Variants in RIT2 observed in about 807,000 individuals in gnomAD.
RIT2 encodes the protein GTP-binding protein Rit2.
Under a neutral mutation model 23.7 loss-of-function variants are expected in RIT2, and 24 were observed. That is an observed-to-expected ratio of 1.01 (90% CI 0.73 to 1.43). The LOEUF is 1.43. Ranked by LOEUF, RIT2 falls within the 40% of genes most tolerant of loss-of-function variation. The pLI, the probability that RIT2 is intolerant of heterozygous loss-of-function variation, is 0.00. For synonymous variants in RIT2, 107 were observed against 91.1 expected (o/e 1.17, Z -0.99); for missense variants, 236 against 266.9 (o/e 0.88, Z 0.81).
chr18:42,775,614 G>C (rs1237847167), intron 4 of RIT2, among the ~76,000 whole-genome samples: 2 of 151,880 alleles, frequency 1.3e-5, no homozygotes, highest in Non-Finnish European at 2.9e-5. Flanking sequence ...GGAGAATGGC[G>C]TGAACCCGGG....
chr18:43,115,145 TA>T (rs1430034970), intron 1 of RIT2, among the ~76,000 whole-genome samples: 6 of 152,264 alleles, frequency 3.9e-5, no homozygotes, highest in African/African-American at 1.4e-4. Flanking sequence ...AAAAGACCTA[TA>T]CACTAAGAGC....
At chr18:42,809,244 T>TA (rs1350053188) in intron 4 of RIT2, among the ~76,000 whole-genome samples, 1 of 152,072 alleles carries the variant, frequency 6.6e-6, no homozygotes, top group Non-Finnish European at 1.5e-5. Flanking sequence ...CTATTCAGAT[T>TA]AAAAAATAGG....
intron 1 of RIT2, among the ~76,000 whole-genome samples, chr18:43,104,349 T>G (rs1467820209): frequency 6.6e-6 from 1 of 152,196 alleles, no homozygotes; most frequent in Admixed American, 6.5e-5. Flanking sequence ...GAATGAGTTC[T>G]GGTGTTCCAC....
intron 4 of RIT2, among the ~76,000 whole-genome samples, chr18:42,880,170 T>A (rs996349467): frequency 6.6e-6 from 1 of 152,182 alleles, no homozygotes; most frequent in African/African-American, 2.4e-5. Context: ...CAAAAAGGAC[T>A]GGATCTCGTA....
Position 42,783,103 on chromosome 18 carries a change from CTGAGTA to C in RIT2, c.427-39389_427-39384del, listed in dbSNP as rs574543955. ...ACTTTTAAGTCCAACTTATTTCATT[CTGAGTA>C]TTAGTGTCTTACCAAACACGTTTGT... On this transcript the variant is annotated intron_variant, in intron 4 of 4. Coordinates refer to ENST00000326695, the MANE Select transcript of RIT2 (RefSeq NM_002930.4). 1.8e-4 allele frequency among the ~76,000 whole-genome samples: 28 copies of C among 152,194 alleles called. 1 individual carries two copies. In the South Asian group the frequency reaches 2.3e-3, roughly 12 times the overall value.
intron 4 of RIT2, among the ~76,000 whole-genome samples, chr18:42,810,050 TATATATGTTATATATATGTTATACATAAC>T (rs1905806048): frequency 6.8e-6 from 1 of 147,112 alleles, no homozygotes; most frequent in Non-Finnish European, 1.5e-5. Flanking sequence ...TTACATATGT[TATATATGTTATATATATGTTATACATAAC>T]ATATATATTA....
chr18:43,035,054 A>G (rs1286684014), intron 1 of RIT2, among the ~76,000 whole-genome samples: 2 of 152,260 alleles, frequency 1.3e-5, no homozygotes, highest in African/African-American at 4.8e-5. Context: ...ACTAGTGTCC[A>G]GCTCTGGTTG....
At chr18:43,017,662 G>A (rs1911504331) in intron 2 of RIT2, among the ~76,000 whole-genome samples, 1 of 152,038 alleles carries the variant, frequency 6.6e-6, no homozygotes, top group Non-Finnish European at 1.5e-5. Flanking sequence ...CCAGGTTCTA[G>A]GCTAAGCACT....
At chr18:43,047,629 A>G (rs933060134) in intron 1 of RIT2, among the ~76,000 whole-genome samples, 4 of 152,084 alleles carry the variant, frequency 2.6e-5, no homozygotes, top group South Asian at 2.1e-4. Context: ...ATATTTATAA[A>G]CTAACATATG....
intron 2 of RIT2, among the ~76,000 whole-genome samples, chr18:42,982,505 C>G (rs149160997): frequency 6.6e-6 from 1 of 152,250 alleles, no homozygotes; most frequent in East Asian, 1.9e-4. Flanking sequence ...CAAATCCACT[C>G]CTTATCATCT....
At chr18:43,044,553 A>C (rs1281703282) in intron 1 of RIT2, among the ~76,000 whole-genome samples, 1 of 152,198 alleles carries the variant, frequency 6.6e-6, no homozygotes, top group Non-Finnish European at 1.5e-5. Context: ...AATCCATCAC[A>C]GTTCAAAGAT....
chr18:42,977,767 T>C (rs1473961634), intron 2 of RIT2, among the ~76,000 whole-genome samples: 1 of 150,248 alleles, frequency 6.7e-6, no homozygotes, highest in Non-Finnish European at 1.5e-5. Flanking sequence ...ATTCATTTCT[T>C]ATGACTGTGC....
intron 2 of RIT2, among the ~76,000 whole-genome samples, chr18:43,005,900 G>A (rs1911216349): frequency 6.6e-6 from 1 of 151,648 alleles, no homozygotes; most frequent in South Asian, 2.1e-4. Flanking sequence ...GCAACTGAGG[G>A]GGATTTACAC....
At chr18:42,834,548 A>AAC (rs970412657) in intron 4 of RIT2, among the ~76,000 whole-genome samples, 16 of 151,864 alleles carry the variant, frequency 1.1e-4, no homozygotes, top group African/African-American at 3.6e-4. Flanking sequence ...CTCTCTCTAA[A>AAC]ACACACACAC....
At chr18:42,900,586 C>T (rs1453841008) in intron 4 of RIT2, among the ~76,000 whole-genome samples, 2 of 151,972 alleles carry the variant, frequency 1.3e-5, no homozygotes, top group Non-Finnish European at 2.9e-5. Flanking sequence ...GCCAAAGCAT[C>T]ATACCATCAC....
At chr18:43,106,862 T>G (rs1913834821) in intron 1 of RIT2, among the ~76,000 whole-genome samples, 1 of 152,198 alleles carries the variant, frequency 6.6e-6, no homozygotes, top group African/African-American at 2.4e-5. Flanking sequence ...AGCTGGTCCC[T>G]GCTGAGCAAT....
intron 2 of RIT2, among the ~76,000 whole-genome samples, chr18:42,994,871 T>A (rs1248051300): frequency 2.6e-5 from 4 of 152,164 alleles, no homozygotes; most frequent in Admixed American, 1.3e-4. Flanking sequence ...TTCTGCTCCC[T>A]GGCTCCTTCA....
chr18:42,747,685 T>C (rs987893328), intron 4 of RIT2, among the ~76,000 whole-genome samples: 4 of 151,712 alleles, frequency 2.6e-5, no homozygotes, highest in African/African-American at 7.2e-5. Context: ...TACTGGTATA[T>C]AGGCATATAG....
At chr18:42,936,855 T>C (rs1909471980) in intron 3 of RIT2, among the ~76,000 whole-genome samples, 2 of 151,980 alleles carry the variant, frequency 1.3e-5, no homozygotes, top group African/African-American at 4.8e-5. Flanking sequence ...CTACTAAATA[T>C]ACAAAAAGTA....
Sources: allele counts gnomAD v4.1 joint callset (sites outside exome capture counted in the v4.1 genomes callset), GRCh38; gene constraint gnomAD v4.1.1; transcripts MANE v1.5; gene names NCBI Gene and HGNC (gene_info 2026-07-23, HGNC 2026-07-21).